Variants in OXNAD1 observed in about 807,000 individuals in gnomAD.
OXNAD1 encodes the protein oxidoreductase NAD binding domain containing 1.
Under a neutral mutation model 32.9 loss-of-function variants are expected in OXNAD1, and 34 were observed. That is an observed-to-expected ratio of 1.03 (90% CI 0.79 to 1.38). OXNAD1 has a LOEUF of 1.38. OXNAD1 is among the 40% of genes most tolerant of loss of function. The pLI, the probability that OXNAD1 is intolerant of heterozygous loss-of-function variation, is 0.00. For missense variants in OXNAD1, 407 were observed against 379.4 expected, an observed-to-expected ratio of 1.07 and a Z score of -0.60; for synonymous variants, 134 against 135.2, an observed-to-expected ratio of 0.99 and a Z score of 0.06.
chr3:16,337,802 T>G (rs1353092587), downstream of OXNAD1, among the ~76,000 whole-genome samples: 2 of 151,768 alleles, frequency 1.3e-5, no homozygotes, highest in Non-Finnish European at 2.9e-5. The surrounding 1 kb of genome is among the most constrained non-coding windows in gnomAD (Gnocchi z 5.0). Flanking sequence ...TACAATGATA[T>G]AGTTACTGCT....
rs758354261 is a variant in OXNAD1, at chr3:16,316,540, G to C, written c.*30+12948G>C. Reference sequence around the variant, plus strand: ...CTGGATGGTCCAGACCCTCTGGCTGGAGGAGTGGTGGAGCCAGGACTGGGC... The same window carrying C: ...CTGGATGGTCCAGACCCTCTGGCTGCAGGAGTGGTGGAGCCAGGACTGGGC... On this transcript the variant is annotated intron_variant, in intron 9 of 9. Coordinates refer to the OXNAD1 transcript ENST00000435829. This position sits in a 1 kb window ranked among gnomAD's most constrained non-coding sequence, Gnocchi z 4.5. 2.2e-6 allele frequency: 1 copy of C among 458,102 alleles called. No homozygotes were observed. Among genetic ancestry groups the C allele is most frequent in the African/African-American group, 2.0e-5 (1 of 50,462 alleles). 28.4% of individuals were successfully genotyped at this position (458,102 alleles called of 1,614,324 possible).
downstream of OXNAD1, among the ~76,000 whole-genome samples, chr3:16,340,339 G>GTT (rs1459980486): frequency 6.6e-6 from 1 of 152,246 alleles, no homozygotes; most frequent in Non-Finnish European, 1.5e-5. Context: ...GCCATCCTGT[G>GTT]AAGAGGTTCA....
In OXNAD1 at chr3:16,288,727, T is replaced by C. The variant is rs544042120; in HGVS notation, c.290+2279T>C. Among the ~76,000 whole-genome samples, 1 of 152,270 alleles carries C rather than the reference T, an allele frequency of 6.6e-6. No individual in the cohort carries two copies. Among genetic ancestry groups the C allele is most frequent in the East Asian group, 1.9e-4 (1 of 5,178 alleles). On this transcript the variant is annotated intron_variant, in intron 5 of 8. Coordinates refer to ENST00000285083, the MANE Select transcript of OXNAD1 (RefSeq NM_138381.5). The surrounding 1 kb of genome is among the most constrained non-coding windows in gnomAD (Gnocchi z 5.1). ...ACATGAGCAGGGTTGAACTTCTTGGTTCATCTTACTAGTAGGCCTACCACT... is the reference window on the plus strand; with the variant it reads ...ACATGAGCAGGGTTGAACTTCTTGGCTCATCTTACTAGTAGGCCTACCACT...
intron 2 of OXNAD1, 27 bp from the exon 3 acceptor site, chr3:16,270,918 T>C: frequency 6.2e-7 from 1 of 1,613,368 alleles, no homozygotes. Flanking sequence ...AAAAACAATT[T>C]GAAATTTCAG....
rs1254107283 is a variant in OXNAD1 at position 16,277,359 on chromosome 3, T to G, written c.183+5637T>G. On this transcript the variant is annotated intron_variant, in intron 4 of 8. Coordinates refer to ENST00000285083, the MANE Select transcript of OXNAD1 (RefSeq NM_138381.5). This position sits in a 1 kb window ranked among gnomAD's most constrained non-coding sequence, Gnocchi z 4.3. ...TATGGTCATTAGGAACTTGCCCCAA[T>G]CTCCAGAGGGTGCTCCTAGCCATAG... Among the ~76,000 whole-genome samples, 1 of 152,116 alleles carries G rather than the reference T, an allele frequency of 6.6e-6. No individual in the cohort carries two copies. The highest frequency in any genetic ancestry group is 1.5e-5 in the Non-Finnish European group (1 of 68,026).
rs1158112905 is a variant in OXNAD1 at position 16,336,978 on chromosome 3, A to C, written c.*31-134A>C. On this transcript the variant is annotated intron_variant, in intron 9 of 9. Coordinates refer to the OXNAD1 transcript ENST00000435829. This position sits in a 1 kb window ranked among gnomAD's most constrained non-coding sequence, Gnocchi z 6.0. The stretch of plus-strand genomic sequence containing the variant: ...CGGCAGCTCCTCCCATAAGAGGGAG[A>C]GTCCCTCTGGTCACCCCTTGAATCT... The C allele has an allele frequency of 6.6e-6, 1 of 152,244 alleles. No homozygotes were observed. Among genetic ancestry groups the C allele is most frequent in the East Asian group, 1.9e-4 (1 of 5,206 alleles). 9.4% of individuals were successfully genotyped at this position (152,244 alleles called of 1,614,324 possible).
Position 16,317,379 on chromosome 3 carries a change from A to C in OXNAD1, c.*30+13787A>C. On this transcript the variant is annotated intron_variant, in intron 9 of 9. Coordinates refer to the OXNAD1 transcript ENST00000435829. The surrounding 1 kb of genome is among the most constrained non-coding windows in gnomAD (Gnocchi z 4.3). Reference sequence around the variant, plus strand: ...CCCAGCCAGGCAGTACAGGCACCAAACTTGAATCGCACACTATCACATCAC... The same window carrying C: ...CCCAGCCAGGCAGTACAGGCACCAACCTTGAATCGCACACTATCACATCAC... 4.0e-6 allele frequency: 3 copies of C among 757,180 alleles called. No homozygotes were observed. Among genetic ancestry groups the C allele is most frequent in the Admixed American group, 2.8e-5 (1 of 35,554 alleles). The allele number at this position is 757,180 out of a possible 1,614,324, so 46.9% of individuals were successfully genotyped here.
chr3:16,326,639 A>G (rs954824008), intron 9 of OXNAD1: 3 of 663,756 alleles, frequency 4.5e-6, no homozygotes, highest in Admixed American at 2.8e-5. Context: ...GCTGCTTCCC[A>G]GTGGGAGAGT....
intron 4 of OXNAD1, among the ~76,000 whole-genome samples, chr3:16,273,384 GTTTTTTTTT>G (rs34572763): frequency 1.7e-5 from 2 of 121,032 alleles, no homozygotes; most frequent in Non-Finnish European, 3.3e-5. Flanking sequence ...GTATTTTCTT[GTTTTTTTTT>G]TTTTTTTTTG....
rs1373624231 is a variant in OXNAD1, at chr3:16,289,101, A to G, written c.290+2653A>G. Among the ~76,000 whole-genome samples the G allele has an allele frequency of 1.3e-5, 2 of 152,162 alleles. No homozygotes were observed. Among genetic ancestry groups the G allele is most frequent in the South Asian group, 2.1e-4 (1 of 4,836 alleles). On this transcript the variant is annotated intron_variant, in intron 5 of 8. Transcript: ENST00000285083. The surrounding 1 kb of genome is among the most constrained non-coding windows in gnomAD (Gnocchi z 4.9). ...AGCAGTAGTATTCCTACGTTTTGGG[A>G]TATTTAAAGTGTTTAGCATAATGCC...
intron 1 of OXNAD1, among the ~76,000 whole-genome samples, 196 bp from the exon 2 acceptor site, chr3:16,268,930 G>A (rs1402970691): frequency 6.6e-6 from 1 of 152,148 alleles, no homozygotes; most frequent in African/African-American, 2.4e-5. Context: ...AACAAAATAA[G>A]CTGTAAGATA....
chr3:16,266,031 A>T (rs1378076311), intron 1 of OXNAD1, among the ~76,000 whole-genome samples: 6 of 152,228 alleles, frequency 3.9e-5, no homozygotes, highest in African/African-American at 1.4e-4. Context: ...CTTAATTACT[A>T]GGCATTTTAA....
chr3:16,331,761 C>CT (rs1050791028), intron 9 of OXNAD1, among the ~76,000 whole-genome samples: 2 of 152,108 alleles, frequency 1.3e-5, no homozygotes, highest in East Asian at 1.9e-4. Context: ...GGTATGTTCT[C>CT]TTTTTTTGGT....
chr3:16,309,128 A>C (rs1219064150), downstream of OXNAD1, among the ~76,000 whole-genome samples: 1 of 152,172 alleles, frequency 6.6e-6, no homozygotes, highest in Non-Finnish European at 1.5e-5. Context: ...TACCTATACA[A>C]CTATGTCTCT....
At position 16,302,411 on chromosome 3, in the gene OXNAD1, G is replaced by A. The variant is rs890017330; in HGVS notation, c.676-229G>A. Among the ~76,000 whole-genome samples the A allele has an allele frequency of 6.6e-6, 1 of 152,140 alleles. No homozygotes were observed. Among genetic ancestry groups the A allele is most frequent in the African/African-American group, 2.4e-5 (1 of 41,416 alleles). On this transcript the variant is annotated intron_variant, in intron 7 of 8. Coordinates refer to ENST00000285083, the MANE Select transcript of OXNAD1 (RefSeq NM_138381.5). This position sits in a 1 kb window ranked among gnomAD's most constrained non-coding sequence, Gnocchi z 4.2. ...GAAAAAGGAAAAAGAAAAAACTCCC[G>A]GAGAGTTGGTAATATGCTTGTTAGC... is the stretch of plus-strand genomic sequence containing the variant.
rs1017658346 is a variant in OXNAD1, at chr3:16,327,166, C to T, written c.*31-9946C>T. Among the ~76,000 whole-genome samples the T allele has an allele frequency of 1.3e-5, 2 of 152,200 alleles. No individual in the cohort carries two copies. The highest frequency in any genetic ancestry group is 4.8e-5 in the African/African-American group (2 of 41,454). ...GATTCTTGTCTGGACAAATAGCCTC[C>T]TGTGAGTTTCACTGACGAAGCATAA... On this transcript the variant is annotated intron_variant, in intron 9 of 9. Coordinates refer to the OXNAD1 transcript ENST00000435829. This position sits in a 1 kb window ranked among gnomAD's most constrained non-coding sequence, Gnocchi z 4.2.
intron 4 of OXNAD1, chr3:16,275,492 GGAGTT>G (rs1421654682): frequency 6.6e-6 from 1 of 152,266 alleles, no homozygotes; most frequent in Admixed American, 6.5e-5. Flanking sequence ...CTTGAACCCA[GGAGTT>G]CAAGGTTACT....
rs904894648 is a variant in OXNAD1, at chr3:16,346,357, G to A, written c.*31-2819G>A. 3 of 152,158 alleles carry A rather than the reference G, an allele frequency of 2.0e-5. No individual in the cohort carries two copies. The highest frequency in any genetic ancestry group is 4.4e-5 in the Non-Finnish European group (3 of 68,032). The allele number at this position is 152,158 out of a possible 1,614,324, so 9.4% of individuals were successfully genotyped here. On this transcript the variant is annotated intron_variant, in intron 9 of 9. Coordinates refer to the OXNAD1 transcript ENST00000606098. The surrounding 1 kb of genome is among the most constrained non-coding windows in gnomAD (Gnocchi z 4.4). ...TGTATCACTAAATTTTGTATATGAA[G>A]TGAAATATGGCTGTCTGAGAAAATA... is the stretch of plus-strand genomic sequence containing the variant.
At chr3:16,307,428 G>A (rs1220906334), downstream of OXNAD1, among the ~76,000 whole-genome samples, 3 of 152,136 alleles carry the variant, frequency 2.0e-5, no homozygotes, top group South Asian at 4.1e-4. Context: ...GTTTCATAGA[G>A]GATGGATTGG....
Sources: allele counts gnomAD v4.1 joint callset (sites outside exome capture counted in the v4.1 genomes callset), GRCh38; gene constraint gnomAD v4.1.1; non-coding constraint Gnocchi (gnomAD v3.1); transcripts MANE v1.5; gene names NCBI Gene and HGNC (gene_info 2026-07-23, HGNC 2026-07-21).